R3HDM1: variants seen among roughly 807,000 people sequenced by gnomAD.
R3HDM1 encodes R3H domain containing 1.
R3HDM1 carries 46 observed loss-of-function variants against 141.1 expected under a neutral mutation model. That is an observed-to-expected ratio of 0.33 (90% confidence interval 0.26 to 0.42). The LOEUF is 0.42. Among genes scored for constraint, R3HDM1 ranks in the 10% least tolerant of loss-of-function variants. The probability of loss-of-function intolerance (pLI) is 1.00; values close to 1 mark genes in which losing one functional copy is unlikely to be tolerated. For synonymous variants in R3HDM1, 435 were observed against 472.9 expected (o/e 0.92, Z 1.04); for missense variants, 1,184 against 1,368.3 (o/e 0.87, Z 2.12).
At chr2:135,699,024 TAGATAGATAGA>T (rs1559465496) in intron 21 of R3HDM1, among the ~76,000 whole-genome samples, 16 of 97,606 alleles carry the variant, frequency 1.6e-4, no homozygotes, top group African/African-American at 3.6e-4. Context: ...GATAGATAGA[TAGATAGATAGA>T]TAGATAGATA....
intron 24 of R3HDM1, among the ~76,000 whole-genome samples, chr2:135,720,098 C>T (rs1325217344): frequency 6.6e-6 from 1 of 152,208 alleles, no homozygotes. Flanking sequence ...CCGTCTCGGC[C>T]TCCCAAAGTG....
At chr2:135,611,720 A>G (rs182501711) in intron 3 of R3HDM1, among the ~76,000 whole-genome samples, 1 of 152,274 alleles carries the variant, frequency 6.6e-6, no homozygotes, top group East Asian at 1.9e-4. Context: ...TTTCCATAGT[A>G]TATTTTTATA....
chr2:135,670,879 C>T (rs1198478106), intron 19 of R3HDM1, among the ~76,000 whole-genome samples: 1 of 151,650 alleles, frequency 6.6e-6, no homozygotes, highest in African/African-American at 2.4e-5. Flanking sequence ...GGCAACATGG[C>T]GAAACCCTGA....
intron 25 of R3HDM1, 77 bp downstream of exon 25, chr2:135,722,083 G>A: frequency 1.4e-6 from 2 of 1,417,512 alleles, no homozygotes; most frequent in Non-Finnish European, 9.9e-7. Flanking sequence ...GCAACCCTGA[G>A]CCCACCTGTT....
intron 1 of R3HDM1, among the ~76,000 whole-genome samples, chr2:135,560,196 TTG>T (rs1326024614): frequency 3.3e-5 from 5 of 152,232 alleles, no homozygotes; most frequent in Non-Finnish European, 7.3e-5. Flanking sequence ...ATTAGTAACA[TTG>T]TGAGCATACT....
At position 135,676,208 on chromosome 2, in the gene R3HDM1, C is replaced by G. The variant is rs560680534; in HGVS notation, c.2307+722C>G. 1.8e-3 allele frequency among the ~76,000 whole-genome samples: 276 copies of G among 152,202 alleles called. 3 individuals are homozygous for G. Among genetic ancestry groups the G allele is most frequent in the African/African-American group, 6.4e-3 (265 of 41,544 alleles). On this transcript the variant is annotated intron_variant, in intron 20 of 26. Transcript: ENST00000683871. Reference sequence around the variant, plus strand: ...AGGCAAGGTGGCGGGGCCTATAATTCCAGCTACTCGGGAAGCTGAGGCAGG... The same window carrying G: ...AGGCAAGGTGGCGGGGCCTATAATTGCAGCTACTCGGGAAGCTGAGGCAGG...
At chr2:135,694,246 A>G (rs904021588) in intron 21 of R3HDM1, among the ~76,000 whole-genome samples, 7 of 152,204 alleles carry the variant, frequency 4.6e-5, no homozygotes, top group South Asian at 2.1e-4. Context: ...AGCAACCTAT[A>G]TAACAAGCAG....
At chr2:135,550,227 AAATT>A (rs1263066003) in intron 1 of R3HDM1, 2 of 983,496 alleles carry the variant, frequency 2.0e-6, no homozygotes, top group African/African-American at 3.5e-5. Context: ...CTGATTTTGA[AAATT>A]AAAGCAAAGA....
chr2:135,621,792 A>C (rs529895359), intron 6 of R3HDM1, 184 bp downstream of exon 6: 50 of 962,914 alleles, frequency 5.2e-5, no homozygotes, highest in Non-Finnish European at 6.1e-5. Context: ...TATCAGTAAG[A>C]CGTTTCAGCC....
rs147536237 is a variant in R3HDM1 at position 135,641,746 on chromosome 2, C to G, written c.1430C>G (p.Ala477Gly). The G allele has an allele frequency of 1.1e-5, 17 of 1,614,096 alleles. No homozygotes were observed. Among genetic ancestry groups the G allele is most frequent in the Non-Finnish European group, 1.1e-5 (13 of 1,179,990 alleles). Reference sequence around the variant, plus strand: ...AGCTTCTTTTTGCTTCCCTTGGAAGCGGCAGGCATACCACCTGGCAGTATT... The same window carrying G: ...AGCTTCTTTTTGCTTCCCTTGGAAGGGGCAGGCATACCACCTGGCAGTATT... The part of the protein sequence containing the change: ...STSFFLLPLE[A>G]AGIPPGSILI... Residue 477 changes from alanine to glycine, a missense_variant, in exon 15 of 27, where the codon GCG becomes GGG. By Grantham distance (60) the Ala-to-Gly change is moderately conservative. This residue lies in a region of R3HDM1 where 563 missense variants were observed against 562.0 expected (regional missense o/e 1.00). Coordinates refer to ENST00000683871, the MANE Select transcript of R3HDM1 (RefSeq NM_001378107.1).
At chr2:135,596,307 G>A (rs543270391) in intron 1 of R3HDM1, among the ~76,000 whole-genome samples, 11 of 151,984 alleles carry the variant, frequency 7.2e-5, no homozygotes, top group Non-Finnish European at 1.6e-4. Flanking sequence ...CTAATACTAA[G>A]CTTCTAATCT....
chr2:135,717,438 C>A (rs187938134), intron 24 of R3HDM1, among the ~76,000 whole-genome samples: 1 of 151,762 alleles, frequency 6.6e-6, no homozygotes, highest in Non-Finnish European at 1.5e-5. Flanking sequence ...GAGCCAAGAT[C>A]GCACCACTGC....
intron 18 of R3HDM1, among the ~76,000 whole-genome samples, chr2:135,653,092 A>G (rs1275802518): frequency 1.3e-5 from 2 of 150,028 alleles, no homozygotes; most frequent in African/African-American, 4.9e-5. Flanking sequence ...ATGGTGGCTT[A>G]CACTTGCATT....
chr2:135,566,056 C>T (rs1702723742), intron 1 of R3HDM1: 2 of 152,198 alleles, frequency 1.3e-5, no homozygotes, highest in South Asian at 2.1e-4. Flanking sequence ...CCTGCCTCAG[C>T]TTCTCTCCCA....
chr2:135,721,987 GAC>G lies in R3HDM1; in HGVS notation c.2949_2950del (p.Ile984SerfsTer20). The G allele has an allele frequency of 6.2e-7, 1 of 1,613,592 alleles. No homozygotes were observed. The highest frequency in any genetic ancestry group is 8.5e-7 in the Non-Finnish European group (1 of 1,179,560). On this transcript the variant is annotated frameshift_variant, in exon 25 of 27. Coordinates refer to ENST00000683871, the MANE Select transcript of R3HDM1 (RefSeq NM_001378107.1). LOFTEE classifies it high-confidence loss of function. ...TACAATCCTCCTGCTGTTCTGCACG[GAC>G]ACATTCCAAACCAACAGGTAGGAAA...
chr2:135,539,029 T>C (rs764558316), intron 1 of R3HDM1, among the ~76,000 whole-genome samples: 7 of 152,208 alleles, frequency 4.6e-5, no homozygotes, highest in Non-Finnish European at 1.0e-4. Flanking sequence ...GTATCATCAG[T>C]ATCATTGTCT....
intron 9 of R3HDM1, among the ~76,000 whole-genome samples, chr2:135,634,482 A>T (rs1365869373): frequency 6.6e-6 from 1 of 152,082 alleles, no homozygotes; most frequent in Non-Finnish European, 1.5e-5. Context: ...CTCTACTAAA[A>T]ATACAAAAAA....
intron 1 of R3HDM1, among the ~76,000 whole-genome samples, chr2:135,537,277 CTTTTTTTT>C (rs1036767352): frequency 2.4e-5 from 2 of 84,456 alleles, no homozygotes; most frequent in East Asian, 3.9e-4. Context: ...ATTAGTCTGT[CTTTTTTTT>C]TTTTTTTTTT....
intron 21 of R3HDM1, among the ~76,000 whole-genome samples, chr2:135,685,979 C>T (rs1306951362): frequency 6.6e-6 from 1 of 151,816 alleles, no homozygotes; most frequent in Non-Finnish European, 1.5e-5. Context: ...TTAAGGAAAT[C>T]CTGTAATTCA....
Sources: allele counts gnomAD v4.1 joint callset (sites outside exome capture counted in the v4.1 genomes callset), GRCh38; gene constraint gnomAD v4.1.1; regional missense constraint gnomAD v4.1.1; transcripts MANE v1.5; gene names NCBI Gene and HGNC (gene_info 2026-07-23, HGNC 2026-07-21).